MTA3: variants seen among roughly 807,000 people sequenced by gnomAD.
MTA3 encodes metastasis associated 1 family member 3.
In MTA3, 34 loss-of-function variants were observed where a neutral mutation model predicts 83.5. That is an observed-to-expected ratio of 0.41 (90% CI 0.31 to 0.54). MTA3 has a LOEUF of 0.54. Ranked by LOEUF, MTA3 falls within the 20% of genes least tolerant of loss-of-function variation. The probability of loss-of-function intolerance (pLI) is 0.33; values close to 1 mark genes in which losing one functional copy is unlikely to be tolerated. For synonymous variants in MTA3, 303 were observed against 252.7 expected (o/e 1.20, Z -1.89); for missense variants, 761 against 726.4 (o/e 1.05, Z -0.55).
At chr2:42,601,588 A>G (rs377179818) in intron 3 of MTA3, among the ~76,000 whole-genome samples, 2 of 152,092 alleles carry the variant, frequency 1.3e-5, no homozygotes, top group Non-Finnish European at 2.9e-5. Context: ...AGGTGTTACT[A>G]TATTGCTCAG....
chr2:42,618,463 A>G (rs981056857), intron 4 of MTA3, among the ~76,000 whole-genome samples: 1 of 152,206 alleles, frequency 6.6e-6, no homozygotes, highest in Non-Finnish European at 1.5e-5. Flanking sequence ...AAAATTTTAA[A>G]TAAACTTATG....
At chr2:42,745,095 T>C (rs540945750) in intron 16 of MTA3, among the ~76,000 whole-genome samples, 1 of 152,360 alleles carries the variant, frequency 6.6e-6, no homozygotes, top group East Asian at 1.9e-4. Context: ...TGAGTTATAA[T>C]CTATGCATTT....
At chr2:42,729,360 C>T (rs1044764985) in intron 16 of MTA3, among the ~76,000 whole-genome samples, 1 of 152,052 alleles carries the variant, frequency 6.6e-6, no homozygotes, top group East Asian at 1.9e-4. Flanking sequence ...CTCGGTCTCC[C>T]AAAGTGCTGG....
At chr2:42,596,981 T>C (rs1015771131) in intron 3 of MTA3, among the ~76,000 whole-genome samples, 1 of 152,090 alleles carries the variant, frequency 6.6e-6, no homozygotes, top group African/African-American at 2.4e-5. Flanking sequence ...CTTGGCTCAC[T>C]GCAACCTCTG....
chr2:42,732,057 G>T (rs1187599403), intron 16 of MTA3, among the ~76,000 whole-genome samples: 1 of 152,206 alleles, frequency 6.6e-6, no homozygotes, highest in Non-Finnish European at 1.5e-5. Context: ...CTGGTACACA[G>T]TGTAAACTGT....
At chr2:42,586,090 C>G (rs2103906374) in intron 3 of MTA3, among the ~76,000 whole-genome samples, 1 of 151,740 alleles carries the variant, frequency 6.6e-6, no homozygotes, top group East Asian at 2.0e-4. Context: ...TCGGCCTGAC[C>G]AACGTGGTGA....
At chr2:42,641,102 T>G (rs1687652392) in intron 5 of MTA3, among the ~76,000 whole-genome samples, 1 of 152,076 alleles carries the variant, frequency 6.6e-6, no homozygotes, top group Non-Finnish European at 1.5e-5. Flanking sequence ...AGATGGGGTT[T>G]TGCCATGTTT....
At chr2:42,567,102 C>T (rs375576641), upstream of MTA3, among the ~76,000 whole-genome samples, 13 of 152,266 alleles carry the variant, frequency 8.5e-5, no homozygotes, top group African/African-American at 2.9e-4. Flanking sequence ...GAATTTGACA[C>T]ACAGCAGAGA....
At position 42,577,134 on chromosome 2, in the gene MTA3, A is replaced by AT. The variant is rs1558451250; in HGVS notation, c.97-1973_97-1972insT. 4.9e-4 allele frequency among the ~76,000 whole-genome samples: 47 copies of AT among 96,704 alleles called. 3 individuals carry two copies. The highest frequency in any genetic ancestry group is 7.8e-3 in the Middle Eastern group (1 of 128). 63.4% of individuals were successfully genotyped at this position (96,704 alleles called of 152,430 possible). A position where few individuals can be genotyped will look rare whatever the true frequency, so the allele number is the denominator to read the frequency against. On this transcript the variant is annotated intron_variant, in intron 2 of 16. Coordinates refer to ENST00000405094, the MANE Select transcript of MTA3 (RefSeq NM_001330442.2). Reference sequence around the variant, plus strand: ...TATATATATATATATATATATATATAAAAATGAACTCTTAATTGCTGTAAT... The same window carrying AT: ...TATATATATATATATATATATATATATAAAATGAACTCTTAATTGCTGTAAT...
intron 13 of MTA3, 88 bp downstream of exon 13, chr2:42,708,142 T>C: frequency 7.5e-7 from 1 of 1,326,928 alleles, no homozygotes; most frequent in Non-Finnish European, 1.0e-6. Flanking sequence ...ATAGGATAAT[T>C]AAAAAATGAA....
chr2:42,543,864 T>G (rs1315197242), intron 2 of MTA3, among the ~76,000 whole-genome samples: 2 of 151,938 alleles, frequency 1.3e-5, no homozygotes, highest in Non-Finnish European at 2.9e-5. Context: ...TGTTCATTTG[T>G]TTTTAATTAG....
chr2:42,754,966 T>G lies in MTA3; in HGVS notation c.*1567T>G. 2 of 985,512 alleles carry G rather than the reference T, an allele frequency of 2.0e-6. No homozygotes were observed. The highest frequency in any genetic ancestry group is 2.4e-6 in the Non-Finnish European group (2 of 830,050). 61.0% of individuals were successfully genotyped at this position (985,512 alleles called of 1,614,324 possible). On this transcript the variant is annotated 3_prime_UTR_variant, in exon 17 of 17. Transcript: ENST00000405094. ...GGCTTCTGCAAGGGCGAGCATGGGA[T>G]GTCTCCACCACCACCCACTCTTGGA...
chr2:42,621,174 C>T (rs1230673839), intron 4 of MTA3, among the ~76,000 whole-genome samples: 2 of 138,894 alleles, frequency 1.4e-5, no homozygotes, highest in African/African-American at 5.4e-5. Flanking sequence ...GGGTGTTTCT[C>T]GCAGAGGGGG....
chr2:42,661,515 AAAAAAAAAAAAAAG>A (rs1197833467), intron 8 of MTA3, among the ~76,000 whole-genome samples: 1 of 145,304 alleles, frequency 6.9e-6, no homozygotes, highest in Non-Finnish European at 1.5e-5. Flanking sequence ...TCAAAAAAAA[AAAAAAAAAAAAAAG>A]AAAAAGATAT....
rs186903855 is a variant in MTA3, at chr2:42,750,941, G to A, written c.1760-2433G>A. 6.6e-5 allele frequency among the ~76,000 whole-genome samples: 10 copies of A among 152,320 alleles called. No individual in the cohort carries two copies. The South Asian group carries it at 1.7e-3, about 25-fold the overall frequency. ...TTCAGTCCCCTCCCCTACTTCCAGAGGTACCTGGTGTCATTTCATGAGCCT... is the reference window on the plus strand; with the variant it reads ...TTCAGTCCCCTCCCCTACTTCCAGAAGTACCTGGTGTCATTTCATGAGCCT... On this transcript the variant is annotated intron_variant, in intron 16 of 16. Transcript: ENST00000405094.
At chr2:42,664,494 T>TTG (rs1690040280) in intron 8 of MTA3, among the ~76,000 whole-genome samples, 1 of 102,866 alleles carries the variant, frequency 9.7e-6, no homozygotes, top group African/African-American at 4.1e-5. Flanking sequence ...TTTTTTTTTT[T>TTG]GAGACAGTTT....
intron 2 of MTA3, among the ~76,000 whole-genome samples, chr2:42,551,883 C>G (rs553236553): frequency 4.6e-5 from 7 of 151,988 alleles, no homozygotes; most frequent in South Asian, 2.1e-4. Context: ...CCCGCCACCA[C>G]GCCTGGCTAA....
In MTA3 at chr2:42,568,691, G is replaced by T. The variant is rs1201766486; in HGVS notation, c.-55G>T. ...GGCGGTCGCGGCTGAGGCTGAGGAG[G>T]AGGCGGCGGCGGCGGGCGGGGCTCG... On this transcript the variant is annotated 5_prime_UTR_variant, in exon 1 of 17. Transcript: ENST00000405094. The T allele has an allele frequency of 8.4e-7, 1 of 1,188,242 alleles. No homozygotes were observed. Among genetic ancestry groups the T allele is most frequent in the African/African-American group, 1.6e-5 (1 of 62,712 alleles). The allele number at this position is 1,188,242 out of a possible 1,614,324, so 73.6% of individuals were successfully genotyped here. A position where few individuals can be genotyped will look rare whatever the true frequency, so the allele number is the denominator to read the frequency against.
chr2:42,610,218 G>C (rs1684023410), intron 4 of MTA3, among the ~76,000 whole-genome samples: 1 of 152,158 alleles, frequency 6.6e-6, no homozygotes, highest in Non-Finnish European at 1.5e-5. Flanking sequence ...GGGAAATGCT[G>C]GTCTTCCAGG....
Sources: allele counts gnomAD v4.1 joint callset (sites outside exome capture counted in the v4.1 genomes callset), GRCh38; gene constraint gnomAD v4.1.1; transcripts MANE v1.5; gene names NCBI Gene and HGNC (gene_info 2026-07-23, HGNC 2026-07-21).